LRP2: variants seen among roughly 807,000 people sequenced by gnomAD.
LRP2 encodes the protein LDL receptor related protein 2.
A neutral mutation model predicts 531.0 loss-of-function variants in LRP2; 172 were observed. That is an observed-to-expected ratio of 0.32 (90% confidence interval 0.29 to 0.37). The LOEUF (loss-of-function observed/expected upper bound fraction) is 0.37, where lower values mean the gene tolerates loss of function less well. LRP2 is among the 10% of genes least tolerant of loss of function. The pLI, the probability that LRP2 is intolerant of heterozygous loss-of-function variation, is 1.00. For missense variants in LRP2, 5,167 were observed against 5,868.3 expected, an observed-to-expected ratio of 0.88 and a Z score of 3.90; for synonymous variants, 1,992 against 2,027.6, an observed-to-expected ratio of 0.98 and a Z score of 0.47.
At position 169,201,887 on chromosome 2, in the gene LRP2, C is replaced by T; in HGVS notation, c.8210-17G>A. 6.2e-7 allele frequency: 1 copy of T among 1,613,900 alleles called. No individual in the cohort carries two copies. Among genetic ancestry groups the T allele is most frequent in the Non-Finnish European group, 8.5e-7 (1 of 1,179,970 alleles). On this transcript the variant is annotated splice_polypyrimidine_tract_variant and intron_variant, in intron 43 of 78. Coordinates refer to ENST00000649046, the MANE Select transcript of LRP2 (RefSeq NM_004525.3). ...TGTGAAGTGCTAAGAACAGGAAAAA[C>T]ATGAGAACAAACCCTCTTGATTAAA... is the stretch of plus-strand genomic sequence containing the variant.
intron 9 of LRP2, 42 bp downstream of exon 9, chr2:169,288,984 A>G (rs1261235499): frequency 1.2e-6 from 2 of 1,612,204 alleles, no homozygotes; most frequent in Middle Eastern, 1.7e-4. Flanking sequence ...CCATCAGTGT[A>G]CTGTAATGAA....
At chr2:169,181,101 T>C (rs1041113325) in intron 52 of LRP2, among the ~76,000 whole-genome samples, 1 of 152,168 alleles carries the variant, frequency 6.6e-6, no homozygotes, top group Non-Finnish European at 1.5e-5. Context: ...AATCATATAT[T>C]TCATAGGGGA....
intron 6 of LRP2, among the ~76,000 whole-genome samples, chr2:169,293,547 T>C (rs566046292): frequency 2.0e-5 from 3 of 152,236 alleles, no homozygotes; most frequent in South Asian, 2.1e-4. Context: ...TGGTGGTGCA[T>C]GCCTGTGATC....
Position 169,345,967 on chromosome 2 carries a change from A to T in LRP2, c.79+16354T>A, listed in dbSNP as rs114734843. 5.1e-4 allele frequency among the ~76,000 whole-genome samples: 77 copies of T among 152,328 alleles called. 1 individual carries two copies. Among genetic ancestry groups the T allele is most frequent in the African/African-American group, 1.6e-3 (68 of 41,574 alleles). On this transcript the variant is annotated intron_variant, in intron 1 of 78. Transcript: ENST00000649046. ...AATCAAAGTCCCAGGTCACTGTGAC[A>T]AGTCACACTTAGACCTCCTAAAGGG... is the stretch of plus-strand genomic sequence containing the variant.
In LRP2 at chr2:169,213,698, T is replaced by C. The variant is rs1001767985; in HGVS notation, c.5999A>G (p.Asn2000Ser). The change falls in exon 36 of 79, where the codon AAT becomes AGT. Residue 2000 changes from asparagine (N) to serine (S), a missense_variant. Coordinates refer to ENST00000649046, the MANE Select transcript of LRP2 (RefSeq NM_004525.3). ...TGANKIVLRD[N>S]VPNLRGLQVY... ...TTGAAGACCCCTCAGATTTGGAACA[T>C]TATCTCTCAAGACTATTTTGTTGGC... 4.3e-6 allele frequency: 7 copies of C among 1,613,682 alleles called. No homozygotes were observed. The East Asian group carries it at 1.6e-4, about 36-fold the overall frequency.
At chr2:169,293,073 G>A (rs1348612523) in intron 6 of LRP2, among the ~76,000 whole-genome samples, 2 of 152,060 alleles carry the variant, frequency 1.3e-5, no homozygotes, top group African/African-American at 4.8e-5. Flanking sequence ...AAGGAAGTCA[G>A]GCATGGCTCA....
chr2:169,333,340 G>A (rs1685314584), intron 1 of LRP2, among the ~76,000 whole-genome samples: 1 of 151,836 alleles, frequency 6.6e-6, no homozygotes, highest in Non-Finnish European at 1.5e-5. Context: ...GTATTCCCAG[G>A]GCCTGTTACA....
intron 1 of LRP2, among the ~76,000 whole-genome samples, chr2:169,346,594 T>C (rs3770637): frequency 0.045 from 6,858 of 152,262 alleles, 286 homozygotes; most frequent in East Asian, 0.19. Flanking sequence ...GTCCCAGCTA[T>C]TCAGGAGGCT....
intron 50 of LRP2, among the ~76,000 whole-genome samples, chr2:169,183,233 T>A (rs1414301747): frequency 6.6e-6 from 1 of 152,246 alleles, no homozygotes; most frequent in African/African-American, 2.4e-5. Flanking sequence ...TAACCATTCA[T>A]GCTGGATATC....
intron 3 of LRP2, among the ~76,000 whole-genome samples, chr2:169,317,741 T>A (rs1684802351): frequency 6.6e-6 from 1 of 152,198 alleles, no homozygotes; most frequent in Non-Finnish European, 1.5e-5. Flanking sequence ...AAATTGCTCA[T>A]AGGTCGCCAT....
At chr2:169,266,816 T>C (rs1464041709) in intron 16 of LRP2, among the ~76,000 whole-genome samples, 1 of 151,798 alleles carries the variant, frequency 6.6e-6, no homozygotes. Flanking sequence ...TGTTAATGGC[T>C]CTCATACACG....
At position 169,247,451 on chromosome 2, in the gene LRP2, T is replaced by G. The variant is rs772378292; in HGVS notation, c.2835A>C (p.Gly945=). The G allele has an allele frequency of 3.7e-6, 6 of 1,614,174 alleles. No individual in the cohort carries two copies. The African/African-American group carries it at 6.7e-5, about 18-fold the overall frequency. ...AIIRVRKADG[G]EMTVIRSGIA... ...TGCCACTTCGGATAACTGTCATTTC[T>G]CCACCATCTGCTTTCCTGACTCGAA... The change falls in exon 20 of 79, where the codon GGA becomes GGC. Residue 945 remains glycine (G), a synonymous_variant. Transcript: ENST00000649046.
At position 169,282,975 on chromosome 2, in the gene LRP2, T is replaced by C; in HGVS notation, c.1069A>G (p.Ile357Val). 1 of 1,614,162 alleles carries C rather than the reference T, an allele frequency of 6.2e-7. No homozygotes were observed. Among genetic ancestry groups the C allele is most frequent in the South Asian group, 1.1e-5 (1 of 91,082 alleles). Residue 357 changes from isoleucine to valine, a missense_variant, in exon 10 of 79, where the codon ATT (isoleucine) becomes GTT (valine). By Grantham distance (29) the Ile-to-Val change is conservative. This residue lies in a region of LRP2 where 2,811 missense variants were observed against 3,058.0 expected (regional missense o/e 0.92). Transcript: ENST00000649046. ...CGGCTTTCACACTTCTGGTCACAAA[T>C]TCCCCATATCTGGCAATCATCAAAC... The part of the protein sequence containing the change: ...VEFDDCQIWG[I>V]CDQKCESRPG...
intron 1 of LRP2, among the ~76,000 whole-genome samples, chr2:169,336,341 C>T (rs1254832726): frequency 6.6e-6 from 1 of 151,946 alleles, no homozygotes; most frequent in Non-Finnish European, 1.5e-5. Flanking sequence ...AGTTCAACAC[C>T]AGCCTGGGCA....
Position 169,322,343 on chromosome 2 carries a change from A to T in LRP2, c.80-1459T>A, listed in dbSNP as rs568035996. Among the ~76,000 whole-genome samples, 21 of 152,326 alleles carry T rather than the reference A, an allele frequency of 1.4e-4. No individual in the cohort carries two copies. In the South Asian group the frequency reaches 3.5e-3, roughly 26 times the overall value. ...CTGATTGTCTGGTAGTGACATCCTG[A>T]TTTATAATGTATGCTGCAAATGGTC... On this transcript the variant is annotated intron_variant, in intron 1 of 78. Coordinates refer to ENST00000649046, the MANE Select transcript of LRP2 (RefSeq NM_004525.3).
At chr2:169,272,440 A>G (rs1264732504) in intron 15 of LRP2, among the ~76,000 whole-genome samples, 1 of 152,132 alleles carries the variant, frequency 6.6e-6, no homozygotes, top group African/African-American at 2.4e-5. Flanking sequence ...AGAGAGAAAA[A>G]ATAAGCCAGA....
chr2:169,244,082 A>G (rs572239959), intron 22 of LRP2, among the ~76,000 whole-genome samples: 1 of 152,352 alleles, frequency 6.6e-6, no homozygotes, highest in African/African-American at 2.4e-5. Context: ...TATGAAAGCT[A>G]GAAGGGATCT....
Position 169,139,366 on chromosome 2 carries a change from C to T in LRP2, c.13273G>A (p.Val4425Ile), listed in dbSNP as rs770584706. The T allele has an allele frequency of 4.5e-5, 72 of 1,614,026 alleles. No individual in the cohort carries two copies. The highest frequency in any genetic ancestry group is 5.8e-5 in the Non-Finnish European group (68 of 1,180,024). ...SKGISPGTTA[V>I]AVLLTILLIV... ...AAGAGGATTGTCAACAGCACAGCTA[C>T]TGCGGCTATAGAAGAAGATAGCAGA... The change falls in exon 74 of 79, where the codon GTA (valine) becomes ATA (isoleucine). Residue 4425 changes from valine to isoleucine, a missense_variant. Val to Ile is a conservative substitution (Grantham distance 29). Transcript: ENST00000649046.
chr2:169,282,153 T>C (rs911022973), intron 10 of LRP2, among the ~76,000 whole-genome samples: 2 of 152,178 alleles, frequency 1.3e-5, no homozygotes, highest in African/African-American at 2.4e-5. Flanking sequence ...CAAAAACAAG[T>C]AGAAAATGGG....
Sources: gnomAD v4.1 joint callset for allele counts (sites outside exome capture counted in the v4.1 genomes callset) on GRCh38, gnomAD v4.1.1 for gene constraint, gnomAD v4.1.1 regional missense constraint, MANE v1.5 for transcripts, NCBI Gene and HGNC (gene_info 2026-07-23, HGNC 2026-07-21) for gene names.